SLC9C1: variants seen among roughly 807,000 people sequenced by gnomAD.
SLC9C1 encodes solute carrier family 9 member C1.
In SLC9C1, 97 loss-of-function variants were observed where a neutral mutation model predicts 140.9. The ratio of observed to expected loss-of-function variants is 0.69; its 90% confidence interval spans 0.58 to 0.82. SLC9C1 has a LOEUF of 0.82. Among genes scored for constraint, SLC9C1 ranks in the 40% least tolerant of loss-of-function variants. The pLI, the probability that SLC9C1 is intolerant of heterozygous loss-of-function variation, is 0.00. For missense variants in SLC9C1, 1,340 were observed against 1,389.3 expected, an observed-to-expected ratio of 0.96 and a Z score of 0.56; for synonymous variants, 440 against 442.6, an observed-to-expected ratio of 0.99 and a Z score of 0.07.
intron 5 of SLC9C1, among the ~76,000 whole-genome samples, chr3:112,275,728 C>A (rs1443301382): frequency 6.6e-6 from 1 of 152,174 alleles, no homozygotes; most frequent in Admixed American, 6.6e-5. Flanking sequence ...ACTGCAATCA[C>A]AACCTAACTA....
chr3:112,260,295 G>GAT (rs57037009), intron 10 of SLC9C1, among the ~76,000 whole-genome samples: 2 of 151,652 alleles, frequency 1.3e-5, no homozygotes, highest in East Asian at 1.9e-4. Context: ...TTTTTCTTTA[G>GAT]TTTTTTTATG....
chr3:112,204,688 A>G (rs1015003318), intron 16 of SLC9C1, among the ~76,000 whole-genome samples: 4 of 152,114 alleles, frequency 2.6e-5, no homozygotes, highest in African/African-American at 4.8e-5. Flanking sequence ...ATGAAAAGGC[A>G]AATTCAGACA....
intron 16 of SLC9C1, among the ~76,000 whole-genome samples, chr3:112,205,834 C>T (rs201926158): frequency 2.3e-5 from 3 of 132,520 alleles, no homozygotes; most frequent in South Asian, 3.0e-4. Flanking sequence ...CTTCTTTACA[C>T]CTTATACAAA....
At chr3:112,285,478 C>A (rs934499527) in intron 2 of SLC9C1, among the ~76,000 whole-genome samples, 1 of 152,206 alleles carries the variant, frequency 6.6e-6, no homozygotes, top group African/African-American at 2.4e-5. Flanking sequence ...TGAGCTCAAG[C>A]AATCTGCCCA....
intron 7 of SLC9C1, among the ~76,000 whole-genome samples, chr3:112,269,122 G>A (rs772191065): frequency 5.9e-5 from 9 of 152,086 alleles, no homozygotes; most frequent in Non-Finnish European, 1.3e-4. Context: ...CCCCCGCTCC[G>A]CCTTTTTGTT....
intron 4 of SLC9C1, 124 bp from the exon 5 acceptor site, chr3:112,277,984 A>G: frequency 1.4e-6 from 1 of 712,210 alleles, no homozygotes; most frequent in Non-Finnish European, 2.2e-6. Flanking sequence ...CAGCAGACAC[A>G]GGAGTGGGGC....
chr3:112,182,062 G>A, intron 21 of SLC9C1, 71 bp downstream of exon 21: 1 of 1,126,208 alleles, frequency 8.9e-7, no homozygotes, highest in Non-Finnish European at 1.2e-6. Context: ...GAGTATCATG[G>A]TTAAATTCTT....
intron 26 of SLC9C1, among the ~76,000 whole-genome samples, chr3:112,159,921 T>G (rs1446685499): frequency 6.6e-6 from 1 of 152,102 alleles, no homozygotes; most frequent in Admixed American, 6.6e-5. Flanking sequence ...GAATATTTTA[T>G]ACTATCCTCT....
At chr3:112,290,484 G>A (rs1326417914) in intron 1 of SLC9C1, among the ~76,000 whole-genome samples, 1 of 152,114 alleles carries the variant, frequency 6.6e-6, no homozygotes, top group African/African-American at 2.4e-5. Flanking sequence ...CCGTATGGTT[G>A]ATTTTAGAGT....
chr3:112,177,926 A>C (rs1670378818), intron 23 of SLC9C1, among the ~76,000 whole-genome samples: 1 of 151,284 alleles, frequency 6.6e-6, no homozygotes, highest in Admixed American at 6.6e-5. Flanking sequence ...AATGATAGAG[A>C]TATTTTAAAT....
In SLC9C1 at chr3:112,216,542, C is replaced by T. The variant is rs1456383028; in HGVS notation, c.1790+900G>A. On this transcript the variant is annotated intron_variant, in intron 15 of 28. Coordinates refer to ENST00000305815, the MANE Select transcript of SLC9C1 (RefSeq NM_183061.3). ...ACAAACAACCCCATCAAAAAGTGGGCAAATGATATGAACAGACACTTCTCA... is the reference window on the plus strand; with the variant it reads ...ACAAACAACCCCATCAAAAAGTGGGTAAATGATATGAACAGACACTTCTCA... 7.3e-5 allele frequency among the ~76,000 whole-genome samples: 11 copies of T among 150,568 alleles called. No individual in the cohort carries two copies. The South Asian group carries it at 1.3e-3, about 17-fold the overall frequency.
chr3:112,179,729 T>C (rs756534125), intron 22 of SLC9C1, 28 bp from the exon 23 acceptor site: 2 of 1,545,006 alleles, frequency 1.3e-6, no homozygotes, highest in Non-Finnish European at 1.7e-6. Flanking sequence ...AAGAGAAAAA[T>C]ACATATGCCA....
intron 16 of SLC9C1, among the ~76,000 whole-genome samples, chr3:112,207,648 G>T (rs1336384526): frequency 6.6e-6 from 1 of 152,048 alleles, no homozygotes; most frequent in Non-Finnish European, 1.5e-5. Context: ...CCTTGTTCTT[G>T]TTGTTTATTA....
intron 7 of SLC9C1, 89 bp from the exon 8 acceptor site, chr3:112,266,429 G>C: frequency 9.9e-7 from 1 of 1,011,490 alleles, no homozygotes; most frequent in Non-Finnish European, 1.4e-6. Flanking sequence ...CAGATGTTGT[G>C]ACAGTACCAT....
intron 23 of SLC9C1, among the ~76,000 whole-genome samples, chr3:112,173,778 G>A (rs996519280): frequency 6.6e-6 from 1 of 152,116 alleles, no homozygotes; most frequent in Non-Finnish European, 1.5e-5. Flanking sequence ...AATGATTTAT[G>A]TTCCTTTCTG....
At chr3:112,164,099 G>A (rs1260703931) in intron 26 of SLC9C1, among the ~76,000 whole-genome samples, 2 of 151,796 alleles carry the variant, frequency 1.3e-5, no homozygotes, top group African/African-American at 4.8e-5. Context: ...TGCAACCCCT[G>A]CCTTTTTTTG....
intron 26 of SLC9C1, among the ~76,000 whole-genome samples, chr3:112,164,032 T>G (rs199497533): frequency 5.3e-5 from 8 of 152,276 alleles, no homozygotes; most frequent in South Asian, 4.1e-4. Context: ...TGTAATGGCC[T>G]TCTTTGTCTC....
At position 112,271,409 on chromosome 3, in the gene SLC9C1, A is replaced by C. The variant is rs902566619; in HGVS notation, c.614-1332T>G. On this transcript the variant is annotated intron_variant, in intron 6 of 28. Transcript: ENST00000305815. ...TTCTACATTGTATATATATATATATATCAAAGCCTCACATTGTACCCCATA... is the reference window on the plus strand; with the variant it reads ...TTCTACATTGTATATATATATATATCTCAAAGCCTCACATTGTACCCCATA... Among the ~76,000 whole-genome samples, 10 of 149,298 alleles carry C rather than the reference A, an allele frequency of 6.7e-5. 1 individual carries two copies. Among genetic ancestry groups the C allele is most frequent in the African/African-American group, 1.2e-4 (5 of 41,128 alleles).
At position 112,178,305 on chromosome 3, in the gene SLC9C1, AT is replaced by A. The variant is rs1197671894; in HGVS notation, c.2919+1225del. 1.1e-3 allele frequency among the ~76,000 whole-genome samples: 168 copies of A among 147,288 alleles called. 2 individuals are homozygous for A. Among genetic ancestry groups the A allele is most frequent in the Admixed American group, 0.01 (153 of 14,754 alleles). ...AGGCATGTGTCACCATGCCTGGCTA[AT>A]TTTTTTTTTTATTTTTTGCAGATAT... On this transcript the variant is annotated intron_variant, in intron 23 of 28. Transcript: ENST00000305815.
Sources: gnomAD v4.1 joint callset for allele counts (sites outside exome capture counted in the v4.1 genomes callset) on GRCh38, gnomAD v4.1.1 for gene constraint, MANE v1.5 for transcripts, NCBI Gene and HGNC (gene_info 2026-07-23, HGNC 2026-07-21) for gene names.